CBFA2T3: variants seen among roughly 807,000 people sequenced by gnomAD.
CBFA2T3 encodes the protein CBFA2/RUNX1 partner transcriptional co-repressor 3, also known as transcriptional corepressor CBFA2T3.
In CBFA2T3, 31 loss-of-function variants were observed where a neutral mutation model predicts 58.6. The observed-to-expected ratio is 0.53, with a 90% CI of 0.40 to 0.71. The LOEUF (loss-of-function observed/expected upper bound fraction) is 0.71, where lower values mean the gene tolerates loss of function less well. Ranked by LOEUF, CBFA2T3 falls within the 30% of genes least tolerant of loss-of-function variation. The pLI is 0.00. For missense variants in CBFA2T3, 1,076 were observed against 963.1 expected (o/e 1.12, Z -1.55); for synonymous variants, 531 against 421.9 (o/e 1.26, Z -3.17).
chr16:88,941,588 G>A (rs929843068), intron 1 of CBFA2T3, among the ~76,000 whole-genome samples: 1 of 148,070 alleles, frequency 6.8e-6, no homozygotes, highest in African/African-American at 2.4e-5. Context: ...GCAGGGAGAG[G>A]GGAGAGGGGC....
Position 88,885,909 on chromosome 16 carries a change from G to A in CBFA2T3, c.893+52C>T, listed in dbSNP as rs984882181. ...TCTCTTACCCAGAGGGGAGCAGGGT[G>A]AGCCGCGTGTCCACGGCACCCCCAG... On this transcript the variant is annotated intron_variant, in intron 6 of 11. Transcript: ENST00000268679. This position sits in a 1 kb window ranked among gnomAD's most constrained non-coding sequence, Gnocchi z 5.3. The A allele has an allele frequency of 5.4e-6, 8 of 1,474,518 alleles. No homozygotes were observed. The highest frequency in any genetic ancestry group is 2.3e-4 in the Middle Eastern group (1 of 4,274). The allele number at this position is 1,474,518 out of a possible 1,614,324, so 91.3% of individuals were successfully genotyped here.
chr16:88,977,203 G>A lies in CBFA2T3; in HGVS notation c.-396C>T, dbSNP rs1482674300. On this transcript the variant is annotated 5_prime_UTR_variant, in exon 1 of 12. Transcript: ENST00000268679. ...GCGCGGCCTTCCCTCGGGCCATTCC[G>A]GTTTGACCTTCCAACAACTTCCTCC... 5 of 259,102 alleles carry A rather than the reference G, an allele frequency of 1.9e-5. No individual in the cohort carries two copies. The highest frequency in any genetic ancestry group is 3.0e-5 in the Non-Finnish European group (4 of 133,100). The allele number at this position is 259,102 out of a possible 1,614,324, so 16.1% of individuals were successfully genotyped here. A position where few individuals can be genotyped will look rare whatever the true frequency, so the allele number is the denominator to read the frequency against.
At chr16:88,902,235 G>C (rs1970127419) in intron 1 of CBFA2T3, among the ~76,000 whole-genome samples, 1 of 152,356 alleles carries the variant, frequency 6.6e-6, no homozygotes. Context: ...GGAGAGGCCG[G>C]CAGGCAGGCC....
intron 11 of CBFA2T3, among the ~76,000 whole-genome samples, chr16:88,877,793 T>C (rs1239485675): frequency 2.0e-5 from 3 of 151,154 alleles, no homozygotes; most frequent in Non-Finnish European, 4.4e-5. Context: ...GCAGAGGGGG[T>C]GGGGGATGCC....
intron 1 of CBFA2T3, among the ~76,000 whole-genome samples, chr16:88,903,604 A>G (rs1271059495): frequency 2.8e-5 from 4 of 145,296 alleles, no homozygotes; most frequent in Non-Finnish European, 6.0e-5. Context: ...GTCCCTGGTG[A>G]CAACCAAAGA....
At chr16:88,884,985 T>C (rs113270439) in intron 7 of CBFA2T3, 61 bp downstream of exon 7, 14 of 1,289,432 alleles carry the variant, frequency 1.1e-5, no homozygotes, top group African/African-American at 8.8e-5. Flanking sequence ...CAGGTGTACA[T>C]GTGGGCGCAT....
intron 1 of CBFA2T3, among the ~76,000 whole-genome samples, chr16:88,956,154 G>C (rs114034900): frequency 0.03 from 4,561 of 152,380 alleles, 238 homozygotes; most frequent in African/African-American, 0.1. Context: ...TGTCTGCCAG[G>C]AGAGCCGTGG....
intron 1 of CBFA2T3, among the ~76,000 whole-genome samples, chr16:88,970,854 A>T (rs998663081): frequency 2.0e-5 from 3 of 152,024 alleles, no homozygotes; most frequent in Admixed American, 2.0e-4. Context: ...GGGCCGGGGG[A>T]TGAGTAGTAC....
intron 1 of CBFA2T3, among the ~76,000 whole-genome samples, chr16:88,923,313 G>C (rs1970981531): frequency 6.6e-6 from 1 of 152,186 alleles, no homozygotes; most frequent in Non-Finnish European, 1.5e-5. Context: ...AGGATTCGGC[G>C]CTTCTGCCCA....
chr16:88,975,138 T>TCCA (rs1567643803), intron 1 of CBFA2T3, among the ~76,000 whole-genome samples: 1,978 of 143,856 alleles, frequency 0.014, 111 homozygotes, highest in Non-Finnish European at 0.018. Flanking sequence ...GCTCCTGACC[T>TCCA]GCAGCCATGT....
chr16:88,931,684 C>T (rs1430859782), intron 1 of CBFA2T3, among the ~76,000 whole-genome samples: 1 of 152,118 alleles, frequency 6.6e-6, no homozygotes, highest in Non-Finnish European at 1.5e-5. Context: ...TGAGCAGGTG[C>T]TGGGGGCACT....
chr16:88,890,837 C>G (rs886788499), intron 5 of CBFA2T3, among the ~76,000 whole-genome samples: 1 of 152,210 alleles, frequency 6.6e-6, no homozygotes, highest in African/African-American at 2.4e-5. Flanking sequence ...CCACCTCAGC[C>G]TCCCGGGTAG....
intron 1 of CBFA2T3, chr16:88,939,785 G>C (rs968663163): frequency 2.0e-5 from 3 of 152,264 alleles, no homozygotes; most frequent in African/African-American, 7.2e-5. Flanking sequence ...CTCCCCTGCC[G>C]CGAAAGCGAT....
chr16:88,911,863 G>C (rs979429517), intron 1 of CBFA2T3, among the ~76,000 whole-genome samples: 1 of 151,748 alleles, frequency 6.6e-6, no homozygotes, highest in Middle Eastern at 3.4e-3. Flanking sequence ...AGAGCCTCTG[G>C]GGCACAGTGA....
At chr16:88,899,726 T>C (rs1197935457) in intron 2 of CBFA2T3, among the ~76,000 whole-genome samples, 1 of 152,214 alleles carries the variant, frequency 6.6e-6, no homozygotes, top group Non-Finnish European at 1.5e-5. Flanking sequence ...GGAACCAGGC[T>C]CAGCCCACGG....
At chr16:88,909,447 G>A (rs1290700531) in intron 1 of CBFA2T3, among the ~76,000 whole-genome samples, 1 of 146,520 alleles carries the variant, frequency 6.8e-6, no homozygotes, top group Non-Finnish European at 1.5e-5. Context: ...CCCCAGCGGC[G>A]GCTGGGACGG....
intron 1 of CBFA2T3, among the ~76,000 whole-genome samples, chr16:88,918,495 C>T (rs1970811531): frequency 6.6e-6 from 1 of 152,260 alleles, no homozygotes; most frequent in African/African-American, 2.4e-5. Context: ...CAGGGTGGGG[C>T]TCCCGCCCCT....
At chr16:88,971,997 G>GC (rs1228427922) in intron 1 of CBFA2T3, among the ~76,000 whole-genome samples, 2 of 152,228 alleles carry the variant, frequency 1.3e-5, no homozygotes, top group East Asian at 1.9e-4. Flanking sequence ...TCCTAGAGCC[G>GC]CCCCCATGGG....
intron 1 of CBFA2T3, among the ~76,000 whole-genome samples, chr16:88,970,478 AGCCC>A: frequency 6.6e-6 from 1 of 152,190 alleles, no homozygotes; most frequent in South Asian, 2.1e-4. Flanking sequence ...GGCCCACCCC[AGCCC>A]CGCTGTGTGA....
Sources: allele counts gnomAD v4.1 joint callset (sites outside exome capture counted in the v4.1 genomes callset), GRCh38; gene constraint gnomAD v4.1.1; non-coding constraint Gnocchi (gnomAD v3.1); transcripts MANE v1.5; gene names NCBI Gene and HGNC (gene_info 2026-07-23, HGNC 2026-07-21).